Variants in PTPRG observed in about 807,000 individuals in gnomAD.
PTPRG encodes protein tyrosine phosphatase receptor type G, also known as receptor-type tyrosine-protein phosphatase gamma.
In PTPRG, 102 loss-of-function variants were observed where a neutral mutation model predicts 165.3. The observed-to-expected ratio is 0.62, with a 90% CI of 0.53 to 0.73. The LOEUF is 0.73. PTPRG is among the 30% of genes least tolerant of loss of function. The probability of loss-of-function intolerance (pLI) is 0.00; values close to 1 mark genes in which losing one functional copy is unlikely to be tolerated. For synonymous variants in PTPRG, 675 were observed against 669.5 expected (o/e 1.01, Z -0.13); for missense variants, 1,866 against 1,861.4 (o/e 1.00, Z -0.05).
At chr3:62,204,776 CAGTG>C (rs1700185837) in intron 12 of PTPRG, among the ~76,000 whole-genome samples, 1 of 152,150 alleles carries the variant, frequency 6.6e-6, no homozygotes, top group African/African-American at 2.4e-5. Context: ...AGTGTATAGA[CAGTG>C]AGGCCAGGGC....
At chr3:62,235,833 T>C (rs1310201766) in intron 14 of PTPRG, among the ~76,000 whole-genome samples, 1 of 152,238 alleles carries the variant, frequency 6.6e-6, no homozygotes, top group Non-Finnish European at 1.5e-5. Context: ...GATTTTGTTC[T>C]CTTTTCTCTT....
intron 1 of PTPRG, among the ~76,000 whole-genome samples, chr3:61,618,485 A>G (rs148063809): frequency 6.6e-6 from 1 of 152,274 alleles, no homozygotes; most frequent in Non-Finnish European, 1.5e-5. Context: ...ATTGGGCCTG[A>G]TTATAATTGC....
intron 2 of PTPRG, among the ~76,000 whole-genome samples, chr3:61,787,134 A>C (rs1382429861): frequency 1.3e-5 from 2 of 152,184 alleles, no homozygotes; most frequent in Non-Finnish European, 1.5e-5. Context: ...CCTAAGAAGC[A>C]AATATTAATA....
rs77348844 is a variant in PTPRG, at chr3:61,578,884, C to G, written c.85+16512C>G. Among the ~76,000 whole-genome samples the G allele has an allele frequency of 5.6e-3, 851 of 152,340 alleles. 23 individuals are homozygous for G. The East Asian group carries it at 0.071, about 13-fold the overall frequency. Reference sequence around the variant, plus strand: ...CAGGGAATGTTTGGCAGGGTGGACACATGCCCTTTGTTTGGTGCAGGTGAT... The same window carrying G: ...CAGGGAATGTTTGGCAGGGTGGACAGATGCCCTTTGTTTGGTGCAGGTGAT... On this transcript the variant is annotated intron_variant, in intron 1 of 29. Coordinates refer to ENST00000474889, the MANE Select transcript of PTPRG (RefSeq NM_002841.4).
intron 1 of PTPRG, among the ~76,000 whole-genome samples, chr3:61,744,674 A>C (rs917152691): frequency 6.6e-6 from 1 of 152,204 alleles, no homozygotes; most frequent in East Asian, 1.9e-4. Flanking sequence ...GTCACACATT[A>C]CTGACAGAGA....
chr3:62,016,835 C>T (rs1455419083), intron 4 of PTPRG, among the ~76,000 whole-genome samples: 2 of 152,172 alleles, frequency 1.3e-5, no homozygotes, highest in African/African-American at 2.4e-5. Flanking sequence ...ACCCTCTTTT[C>T]ACTGGCTTTG....
At chr3:61,908,053 C>T (rs1295537974) in intron 2 of PTPRG, among the ~76,000 whole-genome samples, 10 of 140,802 alleles carry the variant, frequency 7.1e-5, no homozygotes, top group African/African-American at 2.6e-4. Flanking sequence ...CCCAAGAGTT[C>T]GAGGCTATAG....
rs377014710 is a variant in PTPRG, at chr3:61,784,287, G to T, written c.190+35305G>T. ...GAGTGGCAGTGGGGTTGGGGGACGG[G>T]GTTAGGTGATGTTGGATTGAGCGAG... is the stretch of plus-strand genomic sequence containing the variant. On this transcript the variant is annotated intron_variant, in intron 2 of 29. Transcript: ENST00000474889. Among the ~76,000 whole-genome samples the T allele has an allele frequency of 2.6e-5, 4 of 152,144 alleles. No homozygotes were observed. In the South Asian group the frequency reaches 8.3e-4, roughly 32 times the overall value.
At chr3:62,098,915 A>G (rs1702200386) in intron 5 of PTPRG, among the ~76,000 whole-genome samples, 1 of 152,238 alleles carries the variant, frequency 6.6e-6, no homozygotes, top group Admixed American at 6.5e-5. Flanking sequence ...GACTCCAGAT[A>G]TAGGGGTGTG....
intron 2 of PTPRG, among the ~76,000 whole-genome samples, chr3:61,915,812 A>G (rs74594026): frequency 0.068 from 10,297 of 152,240 alleles, 1,189 homozygotes; most frequent in African/African-American, 0.23. Context: ...TCATAATATC[A>G]CTTGATTTAA....
intron 4 of PTPRG, among the ~76,000 whole-genome samples, chr3:62,042,149 T>C (rs1025395367): frequency 6.6e-6 from 1 of 152,184 alleles, no homozygotes; most frequent in Non-Finnish European, 1.5e-5. Context: ...CTTCTGGGGC[T>C]CTAGGATTTG....
chr3:62,019,860 A>G (rs1022641167), intron 4 of PTPRG, among the ~76,000 whole-genome samples: 2 of 152,222 alleles, frequency 1.3e-5, no homozygotes, highest in Admixed American at 6.5e-5. Flanking sequence ...GTATACTTAG[A>G]GTACTTAACA....
At chr3:62,139,581 C>CT (rs1703845720) in intron 6 of PTPRG, among the ~76,000 whole-genome samples, 1 of 152,202 alleles carries the variant, frequency 6.6e-6, no homozygotes. Context: ...TCCAAGAAAG[C>CT]TATCAGTGAA....
chr3:61,614,547 C>T (rs923861838), intron 1 of PTPRG, among the ~76,000 whole-genome samples: 1 of 148,200 alleles, frequency 6.7e-6, no homozygotes, highest in African/African-American at 2.5e-5. Context: ...GTAGTTGGGA[C>T]CACAGGTGTG....
intron 2 of PTPRG, among the ~76,000 whole-genome samples, chr3:61,936,456 A>G (rs557639902): frequency 2.6e-5 from 4 of 152,268 alleles, no homozygotes; most frequent in Admixed American, 1.3e-4. Flanking sequence ...ACCAGGTGGG[A>G]CCATGGGCAT....
Position 62,191,194 on chromosome 3 carries a change from T to A in PTPRG, c.1034-275T>A, listed in dbSNP as rs185799117. ...CCTCTGTGCCCCGTGCACATATGTG[T>A]ATGTGCATTTGTGTCCCGTGCACGT... On this transcript the variant is annotated intron_variant, in intron 8 of 29. Transcript: ENST00000474889. Among the ~76,000 whole-genome samples the A allele has an allele frequency of 2.5e-4, 37 of 150,984 alleles. No homozygotes were observed. In the East Asian group the frequency reaches 7.1e-3, roughly 29 times the overall value.
At chr3:61,992,028 C>T (rs1023711758) in intron 3 of PTPRG, among the ~76,000 whole-genome samples, 2 of 152,090 alleles carry the variant, frequency 1.3e-5, no homozygotes, top group African/African-American at 4.8e-5. Flanking sequence ...CAAAGCTATC[C>T]AAATACGAAG....
intron 2 of PTPRG, among the ~76,000 whole-genome samples, chr3:61,977,313 G>C (rs1203553299): frequency 6.6e-6 from 1 of 152,012 alleles, no homozygotes; most frequent in East Asian, 1.9e-4. Flanking sequence ...AGGGGTTTCA[G>C]AGTTCATTGA....
At chr3:61,764,459 A>G (rs193069218) in intron 2 of PTPRG, among the ~76,000 whole-genome samples, 9 of 152,362 alleles carry the variant, frequency 5.9e-5, no homozygotes, top group African/African-American at 2.2e-4. Flanking sequence ...AGGTGGACAG[A>G]GCAGCATATA....
Sources: allele counts gnomAD v4.1 joint callset (sites outside exome capture counted in the v4.1 genomes callset), GRCh38; gene constraint gnomAD v4.1.1; transcripts MANE v1.5; gene names NCBI Gene and HGNC (gene_info 2026-07-23, HGNC 2026-07-21).